The following SDK2 variants were observed in gnomAD, a reference collection of about 807,000 sequenced individuals.
The protein encoded by SDK2 is protein sidekick-2.
In SDK2, 105 loss-of-function variants were observed where a neutral mutation model predicts 253.9. That is an observed-to-expected ratio of 0.41 (90% CI 0.35 to 0.49). The LOEUF is 0.49. Ranked by LOEUF, SDK2 falls within the 20% of genes least tolerant of loss-of-function variation. The pLI is 0.06. For missense variants in SDK2, 2,608 were observed against 3,003.0 expected (o/e 0.87, Z 3.07); for synonymous variants, 1,249 against 1,234.9 (o/e 1.01, Z -0.24).
chr17:73,422,910 A>G (rs2063244473), intron 14 of SDK2, among the ~76,000 whole-genome samples: 1 of 152,098 alleles, frequency 6.6e-6, no homozygotes, highest in Non-Finnish European at 1.5e-5. Flanking sequence ...AATCCCAACT[A>G]CTTCGGAGGC....
At chr17:73,432,832 A>G (rs373528186) in intron 10 of SDK2, among the ~76,000 whole-genome samples, 1 of 149,330 alleles carries the variant, frequency 6.7e-6, no homozygotes, top group Non-Finnish European at 1.5e-5. Flanking sequence ...GTACGTGTGC[A>G]TGTATGTGTG....
chr17:73,553,073 T>C (rs2043872435), intron 1 of SDK2, among the ~76,000 whole-genome samples: 1 of 152,128 alleles, frequency 6.6e-6, no homozygotes, highest in Non-Finnish European at 1.5e-5. Flanking sequence ...GATGGATGAA[T>C]GCAAAGGCAG....
chr17:73,422,203 C>T (rs943532136), intron 15 of SDK2, 84 bp downstream of exon 15: 4 of 1,504,560 alleles, frequency 2.7e-6, no homozygotes, highest in African/African-American at 1.4e-5. Flanking sequence ...AGGAGCTGAG[C>T]CAGAATCTGC....
rs539854776 is a variant in SDK2, at chr17:73,369,253, T to C, written c.4981-660A>G. The C allele has an allele frequency of 2.4e-5, 11 of 452,718 alleles. 1 individual carries two copies. The highest frequency in any genetic ancestry group is 1.7e-4 in the Admixed American group (7 of 42,070). 28.0% of individuals were successfully genotyped at this position (452,718 alleles called of 1,614,324 possible). ...GCTGAGCTGGGGAGATAAGGCAGTG[T>C]GGAGTCTATCCAGACAGAGTGTGGT... On this transcript the variant is annotated intron_variant, in intron 36 of 44. Coordinates refer to ENST00000392650, the MANE Select transcript of SDK2 (RefSeq NM_001144952.2).
At position 73,558,475 on chromosome 17, in the gene SDK2, G is replaced by T. The variant is rs764776922; in HGVS notation, c.65-50878C>A. Reference sequence around the variant, plus strand: ...AGGGAGGAAGAAAGGAAGGAAGGGAGGAAGGGAGGGAGGAACAGAATAATA... The same window carrying T: ...AGGGAGGAAGAAAGGAAGGAAGGGATGAAGGGAGGGAGGAACAGAATAATA... On this transcript the variant is annotated intron_variant, in intron 1 of 44. Coordinates refer to ENST00000392650, the MANE Select transcript of SDK2 (RefSeq NM_001144952.2). Among the ~76,000 whole-genome samples, 4 of 152,132 alleles carry T rather than the reference G, an allele frequency of 2.6e-5. No homozygotes were observed. In the Middle Eastern group the frequency reaches 0.01, roughly 388 times the overall value.
chr17:73,576,666 C>T (rs1488747995), intron 1 of SDK2, among the ~76,000 whole-genome samples: 1 of 152,300 alleles, frequency 6.6e-6, no homozygotes, highest in Admixed American at 6.5e-5. Flanking sequence ...GTAAAAGGAA[C>T]CTCGTGATCA....
At chr17:73,501,979 A>G (rs7215733) in intron 2 of SDK2, among the ~76,000 whole-genome samples, 4,468 of 152,168 alleles carry the variant, frequency 0.029, 151 homozygotes, top group African/African-American at 0.082. Context: ...TTCAACGTCT[A>G]TGCTCTTTTC....
intron 1 of SDK2, among the ~76,000 whole-genome samples, chr17:73,640,432 G>A (rs1465234448): frequency 6.6e-6 from 1 of 151,988 alleles, no homozygotes; most frequent in Non-Finnish European, 1.5e-5. Flanking sequence ...GAATGTTCCG[G>A]ACTCCCCCGC....
intron 1 of SDK2, among the ~76,000 whole-genome samples, chr17:73,598,860 C>G (rs898251702): frequency 1.3e-5 from 2 of 152,242 alleles, no homozygotes; most frequent in Non-Finnish European, 2.9e-5. Flanking sequence ...CACAGCACCT[C>G]TCCTGCTTTC....
chr17:73,452,729 T>C (rs1567781565), intron 4 of SDK2, among the ~76,000 whole-genome samples: 1 of 152,098 alleles, frequency 6.6e-6, no homozygotes, highest in Non-Finnish European at 1.5e-5. Context: ...TTCTAATGAG[T>C]CTAGATGGGA....
At chr17:73,472,075 G>T in intron 3 of SDK2, 37 bp downstream of exon 3, 1 of 1,463,216 alleles carries the variant, frequency 6.8e-7, no homozygotes, top group Non-Finnish European at 9.3e-7. Context: ...TGGCACCACA[G>T]TCGCCCCCCC....
rs763056954 is a variant in SDK2 at position 73,435,623 on chromosome 17, G to A, written c.1022C>T (p.Thr341Ile). Reference protein sequence around the residue: ...QAKGVPPPSITWYKDAAVVEV... With the variant: ...QAKGVPPPSIIWYKDAAVVEV... ...CACCACGGCTGCGTCCTTGTACCAG[G>A]TGATGGAGGGCGGCGGCACACCTGT... Residue 341 changes from threonine (T) to isoleucine (I), a missense_variant, in exon 9 of 45, where the codon ACC becomes ATC. Physicochemically the swap from Thr to Ile is moderately conservative, Grantham distance 89 (BLOSUM62 -1). Around this residue, in one of 2 missense-constraint regions of SDK2, gnomAD observed 1,505 missense variants for 1,859.1 expected, o/e 0.81. Transcript: ENST00000392650. This position sits in a 1 kb window ranked among gnomAD's most constrained non-coding sequence, Gnocchi z 5.7. 6.4e-7 allele frequency: 1 copy of A among 1,570,020 alleles called. No individual in the cohort carries two copies. The highest frequency in any genetic ancestry group is 1.4e-5 in the African/African-American group (1 of 74,034).
chr17:73,643,957 T>TCCCCCCCC lies in SDK2; in HGVS notation c.64+67_64+68insGGGGGGGG. 1 of 1,019,998 alleles carries TCCCCCCCC rather than the reference T, an allele frequency of 9.8e-7. No individual in the cohort carries two copies. Among genetic ancestry groups the TCCCCCCCC allele is most frequent in the Non-Finnish European group, 1.5e-6 (1 of 674,882 alleles). 63.2% of individuals were successfully genotyped at this position (1,019,998 alleles called of 1,614,324 possible). On this transcript the variant is annotated intron_variant, in intron 1 of 44. Transcript: ENST00000392650. This position sits in a 1 kb window ranked among gnomAD's most constrained non-coding sequence, Gnocchi z 6.9. ...GGAGGTCACCGTGAGGCCGGCCAGCTCCCGCCGCCCCTCCCCCGCCCACTC... is the reference window on the plus strand; with the variant it reads ...GGAGGTCACCGTGAGGCCGGCCAGCTCCCCCCCCCCCGCCGCCCCTCCCCCGCCCACTC...
intron 3 of SDK2, among the ~76,000 whole-genome samples, chr17:73,462,295 A>G (rs1226588019): frequency 6.6e-6 from 1 of 151,532 alleles, no homozygotes; most frequent in Non-Finnish European, 1.5e-5. Context: ...GTTTATGTGC[A>G]TGTGTGCATA....
chr17:73,601,462 C>T (rs759313890), intron 1 of SDK2, among the ~76,000 whole-genome samples: 14 of 152,126 alleles, frequency 9.2e-5, no homozygotes, highest in Non-Finnish European at 1.9e-4. Flanking sequence ...TTCTGAATTA[C>T]GGTGAACTCT....
chr17:73,428,768 C>T (rs1043126553), intron 12 of SDK2, among the ~76,000 whole-genome samples: 2 of 152,102 alleles, frequency 1.3e-5, no homozygotes, highest in African/African-American at 2.4e-5. Flanking sequence ...CCCCGTCCCC[C>T]CAGTCCAAGG....
intron 44 of SDK2, among the ~76,000 whole-genome samples, chr17:73,339,402 G>A (rs955538680): frequency 6.6e-6 from 1 of 151,306 alleles, no homozygotes; most frequent in Non-Finnish European, 1.5e-5. Flanking sequence ...AATTTTTTTG[G>A]TATGTTTAGG....
chr17:73,643,344 G>T lies in SDK2; in HGVS notation c.64+681C>A, dbSNP rs1442709224. ...CTGGAGGCAGGGGCGGGGATGCTGGGTGTGGGTGGATGGGTAGGAGGGGAG... is the reference window on the plus strand; with the variant it reads ...CTGGAGGCAGGGGCGGGGATGCTGGTTGTGGGTGGATGGGTAGGAGGGGAG... On this transcript the variant is annotated intron_variant, in intron 1 of 44. Transcript: ENST00000392650. This position sits in a 1 kb window ranked among gnomAD's most constrained non-coding sequence, Gnocchi z 6.9. Among the ~76,000 whole-genome samples, 2 of 152,172 alleles carry T rather than the reference G, an allele frequency of 1.3e-5. No homozygotes were observed. The highest frequency in any genetic ancestry group is 2.9e-5 in the Non-Finnish European group (2 of 68,018).
chr17:73,409,909 C>A (rs571602649), intron 18 of SDK2, among the ~76,000 whole-genome samples: 23 of 152,182 alleles, frequency 1.5e-4, no homozygotes, highest in South Asian at 8.3e-4. Context: ...GGCTGGAGTG[C>A]AGTGACGTGA....
Sources: gnomAD v4.1 joint callset for allele counts (sites outside exome capture counted in the v4.1 genomes callset) on GRCh38, gnomAD v4.1.1 for gene constraint, gnomAD v4.1.1 regional missense constraint, Gnocchi (gnomAD v3.1) non-coding constraint, MANE v1.5 for transcripts, NCBI Gene and HGNC (gene_info 2026-07-23, HGNC 2026-07-21) for gene names.